PBRM1: variants seen among roughly 807,000 people sequenced by gnomAD.
PBRM1 encodes the protein protein polybromo-1.
Under a neutral mutation model 194.5 loss-of-function variants are expected in PBRM1, and 27 were observed. The ratio of observed to expected loss-of-function variants is 0.14; its 90% CI spans 0.10 to 0.19. PBRM1 has a LOEUF of 0.19. Ranked by LOEUF, PBRM1 falls within the 10% of genes least tolerant of loss-of-function variation. The pLI is 1.00. For synonymous variants in PBRM1, 655 were observed against 693.2 expected, an observed-to-expected ratio of 0.94 and a Z score of 0.87; for missense variants, 1,466 against 2,077.2, an observed-to-expected ratio of 0.71 and a Z score of 5.72.
In PBRM1 at chr3:52,639,533, C is replaced by T. The variant is rs144656199; in HGVS notation, c.1087+2421G>A. Among the ~76,000 whole-genome samples, 139 of 151,774 alleles carry T rather than the reference C, an allele frequency of 9.2e-4. 1 individual carries two copies. The highest frequency in any genetic ancestry group is 1.7e-3 in the South Asian group (8 of 4,802). On this transcript the variant is annotated intron_variant, in intron 10 of 29. Coordinates refer to ENST00000296302, the Ensembl canonical transcript of PBRM1. ...CAGGCTCAAGTGATCCTCCCAACTC[C>T]GCCTCTGGAGTAGCTACATATGGCT...
upstream of PBRM1, chr3:52,679,844 G>T: frequency 1.5e-5 from 9 of 582,194 alleles, no homozygotes; most frequent in South Asian, 3.3e-5. Context: ...ACGTGTTGTA[G>T]TTTAACTAGC....
In PBRM1 at chr3:52,658,990, A is replaced by AGT. The variant is rs568365700; in HGVS notation, c.529-677_529-676dup. ...TATATCTGCTGTTCACATCTATTGA[A>AGT]GTCTTACAGGACAATGACTACTTAC... On this transcript the variant is annotated intron_variant, in intron 4 of 29. Transcript: ENST00000296302. 6.8e-3 allele frequency among the ~76,000 whole-genome samples: 1,036 copies of AGT among 152,346 alleles called. 9 individuals are homozygous for AGT. Among genetic ancestry groups the AGT allele is most frequent in the Non-Finnish European group, 0.01 (692 of 68,030 alleles).
chr3:52,651,866 A>C, intron 5 of PBRM1, 56 bp from the exon 7 acceptor site: 1 of 1,131,338 alleles, frequency 8.8e-7, no homozygotes, highest in Non-Finnish European at 1.3e-6. Flanking sequence ...GCTAATGAAA[A>C]GAGAAGGAAG....
At chr3:52,644,289 G>C (rs1560707848) in intron 8 of PBRM1, among the ~76,000 whole-genome samples, 2 of 152,090 alleles carry the variant, frequency 1.3e-5, no homozygotes, top group African/African-American at 2.4e-5. Context: ...AATATCAACT[G>C]TAAGTATCAC....
At chr3:52,640,829 C>T (rs980011910) in intron 10 of PBRM1, among the ~76,000 whole-genome samples, 10 of 151,054 alleles carry the variant, frequency 6.6e-5, no homozygotes, top group Middle Eastern at 3.5e-3. Context: ...AGTAGAGACA[C>T]GGTTTCACCA....
chr3:52,658,709 A>T (rs56665533), intron 4 of PBRM1, among the ~76,000 whole-genome samples: 1 of 152,022 alleles, frequency 6.6e-6, no homozygotes, highest in African/African-American at 2.4e-5. Context: ...GCAACTTCTA[A>T]GCAGTACTTA....
intron 13 of PBRM1, among the ~76,000 whole-genome samples, chr3:52,625,899 T>C (rs1327873687): frequency 6.6e-6 from 1 of 152,110 alleles, no homozygotes; most frequent in Non-Finnish European, 1.5e-5. Context: ...CTTATTTGAG[T>C]GTCCCACAGA....
At chr3:52,621,363 CTG>C (rs1389118251) in intron 13 of PBRM1, among the ~76,000 whole-genome samples, 22 of 152,238 alleles carry the variant, frequency 1.4e-4, no homozygotes, top group African/African-American at 5.3e-4. Flanking sequence ...TGGGGTTTCA[CTG>C]TGTTAGCCAG....
intron 13 of PBRM1, among the ~76,000 whole-genome samples, chr3:52,624,047 A>G (rs1167762726): frequency 1.3e-5 from 2 of 152,236 alleles, no homozygotes; most frequent in Non-Finnish European, 2.9e-5. Context: ...GGGAAGCTCA[A>G]GACATTCAAC....
chr3:52,671,490 T>A (rs1281220437), intron 2 of PBRM1, among the ~76,000 whole-genome samples: 5 of 152,200 alleles, frequency 3.3e-5, no homozygotes, highest in Non-Finnish European at 7.4e-5. Context: ...TACCACATAA[T>A]GGTTAAGAGC....
At chr3:52,570,220 G>C (rs1047921871) in intron 22 of PBRM1, among the ~76,000 whole-genome samples, 1 of 152,112 alleles carries the variant, frequency 6.6e-6, no homozygotes, top group Admixed American at 6.6e-5. Flanking sequence ...CAGGTGATCC[G>C]CCCTCCTTGG....
chr3:52,679,441 A>T, intron 1 of PBRM1, 133 bp downstream of exon 2: 1 of 760,160 alleles, frequency 1.3e-6, no homozygotes, highest in Admixed American at 2.7e-5. Flanking sequence ...AATGTTCATA[A>T]AAGAAAAGAC....
chr3:52,609,760 T>A lies in PBRM1; in HGVS notation c.2120A>T (p.Glu707Val). 6.2e-7 allele frequency: 1 copy of A among 1,607,864 alleles called. No homozygotes were observed. The highest frequency in any genetic ancestry group is 8.5e-7 in the Non-Finnish European group (1 of 1,177,828). Residue 707 changes from glutamate to valine, a missense_variant, in exon 16 of 30, where the codon GAA (glutamate) becomes GTA (valine). This residue lies in a region of PBRM1 where 687 missense variants were observed against 946.2 expected (regional missense o/e 0.73). Transcript: ENST00000296302. This position sits in a 1 kb window ranked among gnomAD's most constrained non-coding sequence, Gnocchi z 4.1. ...GGCCATCATGTGACTTCGAATTTTTTCCATGTCCATGGGCTTTTTAATAGT... is the reference window on the plus strand; with the variant it reads ...GGCCATCATGTGACTTCGAATTTTTACCATGTCCATGGGCTTTTTAATAGT...
intron 1 of PBRM1, chr3:52,684,819 C>CAA (rs1191635082): frequency 1.3e-5 from 2 of 152,200 alleles, no homozygotes; most frequent in African/African-American, 4.8e-5. Context: ...TTCCATTCAT[C>CAA]CACACATAAA....
chr3:52,677,506 G>A (rs1036721739), intron 2 of PBRM1, among the ~76,000 whole-genome samples: 4 of 140,894 alleles, frequency 2.8e-5, no homozygotes, highest in South Asian at 2.3e-4. Context: ...TCCACCTCCC[G>A]GGTTCAAGTG....
chr3:52,587,239 TA>T, intron 19 of PBRM1, 113 bp downstream of exon 21: 1 of 850,490 alleles, frequency 1.2e-6, no homozygotes, highest in Non-Finnish European at 1.9e-6. Flanking sequence ...AGACACGGCT[TA>T]AAAAATAGCT....
intron 2 of PBRM1, among the ~76,000 whole-genome samples, chr3:52,676,235 C>G (rs957804507): frequency 6.9e-6 from 1 of 144,832 alleles, no homozygotes; most frequent in Non-Finnish European, 1.5e-5. Flanking sequence ...AGAGCTAAAA[C>G]TATAAAACTC....
At chr3:52,612,258 CA>C (rs566481465) in intron 15 of PBRM1, among the ~76,000 whole-genome samples, 289 of 24,008 alleles carry the variant, frequency 0.012, 1 homozygote, top group Middle Eastern at 0.025. Flanking sequence ...GATTCCGTCT[CA>C]AAAAAAAAAA....
chr3:52,592,508 AAAG>A (rs1394835205), intron 17 of PBRM1, among the ~76,000 whole-genome samples: 37 of 152,346 alleles, frequency 2.4e-4, no homozygotes, highest in Admixed American at 2.6e-4. Flanking sequence ...TCCCAGGGAT[AAAG>A]CCTACTTGAC....
Sources: allele counts gnomAD v4.1 joint callset (sites outside exome capture counted in the v4.1 genomes callset), GRCh38; gene constraint gnomAD v4.1.1; regional missense constraint gnomAD v4.1.1; non-coding constraint Gnocchi (gnomAD v3.1); transcripts MANE v1.5; gene names NCBI Gene and HGNC (gene_info 2026-07-23, HGNC 2026-07-21).